Variants in ARHGEF28 observed in about 807,000 individuals in gnomAD.
The protein encoded by ARHGEF28 is 190 kDa guanine nucleotide exchange factor.
Under a neutral mutation model 206.6 loss-of-function variants are expected in ARHGEF28, and 152 were observed. That is an observed-to-expected ratio of 0.74 (90% CI 0.64 to 0.84). The LOEUF (loss-of-function observed/expected upper bound fraction) is 0.84, where lower values mean the gene tolerates loss of function less well. Among genes scored for constraint, ARHGEF28 ranks in the 40% least tolerant of loss-of-function variants. The pLI is 0.00. For synonymous variants in ARHGEF28, 763 were observed against 776.4 expected (o/e 0.98, Z 0.29); for missense variants, 2,028 against 2,073.2 (o/e 0.98, Z 0.42).
At chr5:73,629,318 C>T (rs569900181) in intron 1 of ARHGEF28, among the ~76,000 whole-genome samples, 2 of 151,840 alleles carry the variant, frequency 1.3e-5, no homozygotes, top group South Asian at 4.2e-4. Context: ...GGCAACATGG[C>T]AAAACCCTGT....
chr5:73,888,843 A>G (rs556377934), intron 26 of ARHGEF28, among the ~76,000 whole-genome samples: 13 of 152,176 alleles, frequency 8.5e-5, no homozygotes, highest in African/African-American at 2.6e-4. Flanking sequence ...TAGGAATGCA[A>G]TCCACCAAAT....
intron 23 of ARHGEF28, among the ~76,000 whole-genome samples, chr5:73,882,866 A>G (rs552285784): frequency 2.6e-5 from 4 of 152,284 alleles, no homozygotes; most frequent in Admixed American, 2.6e-4. Context: ...GTTTCATGCC[A>G]AGTTATATAT....
At chr5:73,653,103 T>A (rs1260216857) in intron 1 of ARHGEF28, among the ~76,000 whole-genome samples, 1 of 152,056 alleles carries the variant, frequency 6.6e-6, no homozygotes, top group Admixed American at 6.6e-5. Context: ...CTTAAGGAGG[T>A]TAAACAACTT....
intron 9 of ARHGEF28, among the ~76,000 whole-genome samples, chr5:73,830,357 T>C (rs1401355177): frequency 6.6e-6 from 1 of 151,810 alleles, no homozygotes; most frequent in Non-Finnish European, 1.5e-5. Flanking sequence ...GTCGAGACCA[T>C]CCTGGCTAAC....
chr5:73,673,089 A>G (rs149072724), intron 1 of ARHGEF28, among the ~76,000 whole-genome samples: 4 of 152,352 alleles, frequency 2.6e-5, no homozygotes, highest in Non-Finnish European at 5.9e-5. Context: ...ACTCAGGTAG[A>G]TAACTGTAGT....
Position 73,626,201 on chromosome 5 carries a change from C to G in ARHGEF28, c.-133C>G, listed in dbSNP as rs1742982439. 1 of 151,760 alleles carries G rather than the reference C, an allele frequency of 6.6e-6. No individual in the cohort carries two copies. The highest frequency in any genetic ancestry group is 2.1e-4 in the South Asian group (1 of 4,830). 9.4% of individuals were successfully genotyped at this position (151,760 alleles called of 1,614,324 possible). A position where few individuals can be genotyped will look rare whatever the true frequency, so the allele number is the denominator to read the frequency against. On this transcript the variant is annotated 5_prime_UTR_variant, in exon 1 of 36. Coordinates refer to ENST00000513042, the MANE Select transcript of ARHGEF28 (RefSeq NM_001177693.2). ...GGCCGCCGCCAGGCGTTGGCATCGC[C>G]GGGGAGAGCCTTCCGGACTCCGGGC... is the stretch of plus-strand genomic sequence containing the variant.
At chr5:73,769,458 CAT>C (rs1387406381) in intron 4 of ARHGEF28, among the ~76,000 whole-genome samples, 1 of 152,164 alleles carries the variant, frequency 6.6e-6, no homozygotes, top group Non-Finnish European at 1.5e-5. Context: ...TTAATTGAAA[CAT>C]ATCCTGTGTA....
chr5:73,880,304 G>C (rs1760833741), intron 22 of ARHGEF28, among the ~76,000 whole-genome samples: 1 of 152,172 alleles, frequency 6.6e-6, no homozygotes, highest in Non-Finnish European at 1.5e-5. Flanking sequence ...TGGTGGGAGT[G>C]ACCCAATTTT....
intron 7 of ARHGEF28, among the ~76,000 whole-genome samples, chr5:73,787,942 A>C (rs1754255894): frequency 6.6e-6 from 1 of 152,164 alleles, no homozygotes; most frequent in Non-Finnish European, 1.5e-5. Context: ...CTCACCACTT[A>C]GTTTATCAAA....
intron 14 of ARHGEF28, among the ~76,000 whole-genome samples, chr5:73,853,399 G>A (rs774013190): frequency 2.0e-5 from 3 of 152,236 alleles, no homozygotes; most frequent in Non-Finnish European, 4.4e-5. Context: ...CATCTGAAAA[G>A]AGTGAAATGG....
At chr5:73,631,363 C>T (rs1743354779) in intron 1 of ARHGEF28, among the ~76,000 whole-genome samples, 1 of 152,076 alleles carries the variant, frequency 6.6e-6, no homozygotes, top group South Asian at 2.1e-4. Flanking sequence ...TTTCTTGCTT[C>T]ACCAGCCTCC....
intron 2 of ARHGEF28, among the ~76,000 whole-genome samples, chr5:73,710,445 C>G (rs1749172808): frequency 1.3e-5 from 2 of 152,068 alleles, no homozygotes; most frequent in Admixed American, 1.3e-4. Context: ...GATACAGCTT[C>G]CTTTTCAGAT....
At chr5:73,939,063 C>G (rs1177471882) in intron 35 of ARHGEF28, among the ~76,000 whole-genome samples, 1 of 150,942 alleles carries the variant, frequency 6.6e-6, no homozygotes, top group Non-Finnish European at 1.5e-5. Context: ...AAGCCATTTT[C>G]AGCACAAAGA....
chr5:73,706,345 A>AAAC (rs1054109422), intron 2 of ARHGEF28, among the ~76,000 whole-genome samples: 1 of 152,188 alleles, frequency 6.6e-6, no homozygotes, highest in African/African-American at 2.4e-5. Context: ...CTCTGTCTCA[A>AAAC]AACAACAACA....
At chr5:73,864,555 A>C (rs1243876534) in intron 16 of ARHGEF28, among the ~76,000 whole-genome samples, 1 of 152,206 alleles carries the variant, frequency 6.6e-6, no homozygotes, top group Non-Finnish European at 1.5e-5. Context: ...TATCATTCAT[A>C]ACTTCAGATT....
chr5:73,795,815 T>C (rs1162666307), intron 9 of ARHGEF28, among the ~76,000 whole-genome samples: 1 of 152,126 alleles, frequency 6.6e-6, no homozygotes, highest in Non-Finnish European at 1.5e-5. Context: ...AAATCCCATT[T>C]TGATGCCCAG....
chr5:73,729,021 G>A (rs1750447925), intron 2 of ARHGEF28, among the ~76,000 whole-genome samples: 1 of 152,202 alleles, frequency 6.6e-6, no homozygotes, highest in Admixed American at 6.5e-5. Flanking sequence ...TGAAGGGACT[G>A]ACCCACAGTT....
At chr5:73,875,863 A>T (rs1760440973) in intron 22 of ARHGEF28, among the ~76,000 whole-genome samples, 1 of 152,078 alleles carries the variant, frequency 6.6e-6, no homozygotes, top group South Asian at 2.1e-4. Context: ...TGATGCCTCC[A>T]CCTTTGTTCT....
At chr5:73,706,642 A>G (rs570385904) in intron 2 of ARHGEF28, among the ~76,000 whole-genome samples, 21 of 152,304 alleles carry the variant, frequency 1.4e-4, no homozygotes, top group African/African-American at 4.8e-4. Flanking sequence ...ATAAAAGAAA[A>G]TGATACTTAG....
Sources: gnomAD v4.1 joint callset for allele counts (sites outside exome capture counted in the v4.1 genomes callset) on GRCh38, gnomAD v4.1.1 for gene constraint, MANE v1.5 for transcripts, NCBI Gene and HGNC (gene_info 2026-07-23, HGNC 2026-07-21) for gene names.